Variants in CD101 observed in about 807,000 individuals in gnomAD.
CD101 encodes immunoglobulin superfamily member 2.
Under a neutral mutation model 98.2 loss-of-function variants are expected in CD101, and 76 were observed. That is an observed-to-expected ratio of 0.77 (90% CI 0.64 to 0.94). CD101 has a LOEUF of 0.94. Ranked by LOEUF, CD101 falls within the 40% of genes least tolerant of loss-of-function variation. The pLI is 0.00. For synonymous variants in CD101, 471 were observed against 472.7 expected, an observed-to-expected ratio of 1.00 and a Z score of 0.05; for missense variants, 1,145 against 1,218.8, an observed-to-expected ratio of 0.94 and a Z score of 0.90.
intron 1 of CD101, among the ~76,000 whole-genome samples, chr1:117,008,162 T>C (rs1260667072): frequency 2.0e-5 from 3 of 152,138 alleles, no homozygotes; most frequent in Non-Finnish European, 4.4e-5. Flanking sequence ...AATAAATTAG[T>C]GTATTCTAAA....
chr1:117,025,757 G>C lies in CD101; in HGVS notation c.2677G>C (p.Val893Leu). ...TTACCGTTCATCCTCTACAGACTTTGTCCTGAAGCTTCATCAGGTGGAGAT... is the reference window on the plus strand; with the variant it reads ...TTACCGTTCATCCTCTACAGACTTTCTCCTGAAGCTTCATCAGGTGGAGAT... ...HCYRSSSTDFVLKLHQVEMED... is the reference protein window; with the variant it reads ...HCYRSSSTDFLLKLHQVEMED... The change falls in exon 8 of 10, where the codon GTC (valine) becomes CTC (leucine). Residue 893 changes from valine to leucine, a missense_variant. By Grantham distance (32) the Val-to-Leu change is conservative. Coordinates refer to ENST00000682167, the MANE Select transcript of CD101 (RefSeq NM_001256106.3). 1 of 1,614,212 alleles carries C rather than the reference G, an allele frequency of 6.2e-7. No homozygotes were observed. The highest frequency in any genetic ancestry group is 8.5e-7 in the Non-Finnish European group (1 of 1,180,044).
At chr1:117,030,099 G>T (rs1459142776) in intron 8 of CD101, among the ~76,000 whole-genome samples, 1 of 152,114 alleles carries the variant, frequency 6.6e-6, no homozygotes, top group Non-Finnish European at 1.5e-5. Flanking sequence ...TTGGGTAAAG[G>T]TCTATTTAGA....
chr1:117,009,944 T>G lies in CD101; in HGVS notation c.138T>G (p.Thr46=). ...GYPVSIGCNV[T]GHQGPSEQHF... Reference sequence around the variant, plus strand: ...CAGTCAGCATTGGCTGCAATGTAACTGGCCACCAGGGACCTTCTGAGCAGC... The same window carrying G: ...CAGTCAGCATTGGCTGCAATGTAACGGGCCACCAGGGACCTTCTGAGCAGC... The change falls in exon 2 of 10, where the codon ACT becomes ACG. Residue 46 remains threonine, a synonymous_variant. Coordinates refer to ENST00000682167, the MANE Select transcript of CD101 (RefSeq NM_001256106.3). 1 of 1,614,186 alleles carries G rather than the reference T, an allele frequency of 6.2e-7. No homozygotes were observed. The highest frequency in any genetic ancestry group is 8.5e-7 in the Non-Finnish European group (1 of 1,180,034).
Position 117,001,806 on chromosome 1 carries a change from G to GTGC in CD101, c.-9_-7dup. On this transcript the variant is annotated 5_prime_UTR_variant, in exon 1 of 10. Transcript: ENST00000682167. ...GACACTATTGGGACGAAAAAGGACTGTGCTGGCCCAAATGGCAGGCATCTC... is the reference window on the plus strand; with the variant it reads ...GACACTATTGGGACGAAAAAGGACTGTGCTGCTGGCCCAAATGGCAGGCATCTC... 6.2e-7 allele frequency: 1 copy of GTGC among 1,613,862 alleles called. No individual in the cohort carries two copies. Among genetic ancestry groups the GTGC allele is most frequent in the Non-Finnish European group, 8.5e-7 (1 of 1,179,774 alleles).
In CD101 at chr1:117,023,716, C is replaced by T. The variant is rs189755260; in HGVS notation, c.2428+1733C>T. ...ACAGGCGTGAGCCACTGCGCCCAGC[C>T]CAGTTCTCTTAAAATACTGCAAGTG... On this transcript the variant is annotated intron_variant, in intron 7 of 9. Coordinates refer to ENST00000682167, the MANE Select transcript of CD101 (RefSeq NM_001256106.3). The surrounding 1 kb of genome is among the most constrained non-coding windows in gnomAD (Gnocchi z 4.4). Among the ~76,000 whole-genome samples the T allele has an allele frequency of 3.3e-5, 5 of 151,970 alleles. No individual in the cohort carries two copies. The highest frequency in any genetic ancestry group is 6.6e-5 in the Admixed American group (1 of 15,256).
At chr1:117,014,439 A>G (rs894109950) in intron 4 of CD101, among the ~76,000 whole-genome samples, 2 of 152,112 alleles carry the variant, frequency 1.3e-5, no homozygotes, top group Non-Finnish European at 2.9e-5. Context: ...GGCAGACTCC[A>G]TCCTCTGCAT....
At chr1:117,026,909 C>T (rs1426433276) in intron 8 of CD101, 1 of 152,070 alleles carries the variant, frequency 6.6e-6, no homozygotes, top group Non-Finnish European at 1.5e-5. Flanking sequence ...CTGTAATGTA[C>T]CTTCTGGGCT....
At chr1:117,008,796 T>C (rs1652695474) in intron 1 of CD101, among the ~76,000 whole-genome samples, 1 of 152,204 alleles carries the variant, frequency 6.6e-6, no homozygotes, top group African/African-American at 2.4e-5. Flanking sequence ...CTCTGCTTCT[T>C]ACTCATCTTC....
chr1:117,022,894 T>C lies in CD101; in HGVS notation c.2428+911T>C, dbSNP rs1653670838. On this transcript the variant is annotated intron_variant, in intron 7 of 9. Transcript: ENST00000682167. The surrounding 1 kb of genome is among the most constrained non-coding windows in gnomAD (Gnocchi z 4.8). ...TTCCTGCCCTCTGGCTTCCCTTCTG[T>C]ATGTTCTTCAAGCCCCTTCTTCTCC... Among the ~76,000 whole-genome samples, 1 of 152,158 alleles carries C rather than the reference T, an allele frequency of 6.6e-6. No individual in the cohort carries two copies.
rs909656460 is a variant in CD101 at position 117,018,092 on chromosome 1, C to T, written c.1613-64C>T. The T allele has an allele frequency of 4.2e-6, 6 of 1,423,692 alleles. No individual in the cohort carries two copies. In the African/African-American group the frequency reaches 5.8e-5, roughly 14 times the overall value. 88.2% of individuals were successfully genotyped at this position (1,423,692 alleles called of 1,614,324 possible). A position where few individuals can be genotyped will look rare whatever the true frequency, so the allele number is the denominator to read the frequency against. On this transcript the variant is annotated intron_variant, in intron 5 of 9. Coordinates refer to ENST00000682167, the MANE Select transcript of CD101 (RefSeq NM_001256106.3). This position sits in a 1 kb window ranked among gnomAD's most constrained non-coding sequence, Gnocchi z 4.3. Reference sequence around the variant, plus strand: ...GTCAAAGAGGTGGCAACTAGAAAAACTTGAAAGTGCTATATTTTAATCTGG... The same window carrying T: ...GTCAAAGAGGTGGCAACTAGAAAAATTTGAAAGTGCTATATTTTAATCTGG...
chr1:117,011,544 T>C lies in CD101; in HGVS notation c.425-6T>C. On this transcript the variant is annotated splice_polypyrimidine_tract_variant and splice_region_variant and intron_variant, in intron 2 of 9. Transcript: ENST00000682167. ...AGTCACATTATTATCATTCCTTTGT[T>C]TCCAGTTATTCCAGATACCCTCTCT... The C allele has an allele frequency of 6.2e-7, 1 of 1,609,048 alleles. No individual in the cohort carries two copies. Among genetic ancestry groups the C allele is most frequent in the Non-Finnish European group, 8.5e-7 (1 of 1,177,550 alleles).
intron 8 of CD101, among the ~76,000 whole-genome samples, chr1:117,027,082 A>G (rs1653988634): frequency 6.6e-6 from 1 of 152,362 alleles, no homozygotes; most frequent in Middle Eastern, 3.4e-3. Context: ...TCAGCTTTCT[A>G]TAAAATGAAG....
chr1:117,015,546 A>G (rs1462826218), intron 4 of CD101, among the ~76,000 whole-genome samples: 7 of 152,206 alleles, frequency 4.6e-5, no homozygotes, highest in Non-Finnish European at 1.0e-4. Context: ...ACTTATGTAT[A>G]TGTATGCATA....
At chr1:117,011,998 A>G (rs2101121032) in intron 3 of CD101, 32 bp downstream of exon 3, 2 of 1,543,912 alleles carry the variant, frequency 1.3e-6, no homozygotes, top group Non-Finnish European at 1.8e-6. Flanking sequence ...TCATTAATAC[A>G]CTAGTATTAG....
rs756444077 is a variant in CD101, at chr1:117,023,226, C to T, written c.2428+1243C>T. ...CATCTGTGTGATTGGCATTCTGTCT[C>T]CCAGTCATCCACACCAAACTCTTGA... is the stretch of plus-strand genomic sequence containing the variant. On this transcript the variant is annotated intron_variant, in intron 7 of 9. Coordinates refer to ENST00000682167, the MANE Select transcript of CD101 (RefSeq NM_001256106.3). This position sits in a 1 kb window ranked among gnomAD's most constrained non-coding sequence, Gnocchi z 4.4. Among the ~76,000 whole-genome samples, 7 of 152,182 alleles carry T rather than the reference C, an allele frequency of 4.6e-5. No individual in the cohort carries two copies. Among genetic ancestry groups the T allele is most frequent in the Non-Finnish European group, 8.8e-5 (6 of 68,034 alleles).
chr1:117,028,640 A>G (rs965594514), intron 8 of CD101, among the ~76,000 whole-genome samples: 3 of 152,106 alleles, frequency 2.0e-5, no homozygotes, highest in African/African-American at 7.2e-5. Context: ...GACTGATAGG[A>G]GTGATGGAGA....
Position 117,033,726 on chromosome 1 carries a change from AG to A in CD101, c.2825-130del. The A allele has an allele frequency of 8.8e-7, 1 of 1,141,296 alleles. No individual in the cohort carries two copies. The highest frequency in any genetic ancestry group is 1.5e-5 in the South Asian group (1 of 65,940). The allele number at this position is 1,141,296 out of a possible 1,614,324, so 70.7% of individuals were successfully genotyped here. A position where few individuals can be genotyped will look rare whatever the true frequency, so the allele number is the denominator to read the frequency against. ...TCTGTCCTGTGCTCCTCATGATTTCAGGGGCCCACTGCTATTTGGCCCCATT... is the reference window on the plus strand; with the variant it reads ...TCTGTCCTGTGCTCCTCATGATTTCAGGGCCCACTGCTATTTGGCCCCATT... On this transcript the variant is annotated intron_variant, in intron 8 of 9. Coordinates refer to ENST00000682167, the MANE Select transcript of CD101 (RefSeq NM_001256106.3). The surrounding 1 kb of genome is among the most constrained non-coding windows in gnomAD (Gnocchi z 4.8).
intron 8 of CD101, among the ~76,000 whole-genome samples, chr1:117,030,064 C>T: frequency 6.6e-6 from 1 of 152,116 alleles, no homozygotes; most frequent in Non-Finnish European, 1.5e-5. Flanking sequence ...TAGTGTGGTA[C>T]TTGTTACTAT....
Position 117,004,943 on chromosome 1 carries a change from G to A in CD101, c.43+3083G>A, listed in dbSNP as rs761392329. Among the ~76,000 whole-genome samples the A allele has an allele frequency of 2.6e-4, 40 of 152,046 alleles. No individual in the cohort carries two copies. Among genetic ancestry groups the A allele is most frequent in the Non-Finnish European group, 7.4e-5 (5 of 68,002 alleles). On this transcript the variant is annotated intron_variant, in intron 1 of 9. Transcript: ENST00000682167. This position sits in a 1 kb window ranked among gnomAD's most constrained non-coding sequence, Gnocchi z 4.1. ...TGGGAAGTCTAAGATCAAGGCACTGGCAGTTTGGTGTCAGTGAGGGCCTGT... is the reference window on the plus strand; with the variant it reads ...TGGGAAGTCTAAGATCAAGGCACTGACAGTTTGGTGTCAGTGAGGGCCTGT...
Sources: allele counts gnomAD v4.1 joint callset (sites outside exome capture counted in the v4.1 genomes callset), GRCh38; gene constraint gnomAD v4.1.1; non-coding constraint Gnocchi (gnomAD v3.1); transcripts MANE v1.5; gene names NCBI Gene and HGNC (gene_info 2026-07-23, HGNC 2026-07-21).